TIGIT: variants seen among roughly 807,000 people sequenced by gnomAD.
TIGIT encodes the protein T cell immunoreceptor with Ig and ITIM domains, also known as T-cell immunoreceptor with Ig and ITIM domains.
Under a neutral mutation model 19.6 loss-of-function variants are expected in TIGIT, and 11 were observed. The ratio of observed to expected loss-of-function variants is 0.56; its 90% CI spans 0.35 to 0.93. The LOEUF (loss-of-function observed/expected upper bound fraction) is 0.93, where lower values mean the gene tolerates loss of function less well. TIGIT is among the 40% of genes least tolerant of loss of function. The pLI, the probability that TIGIT is intolerant of heterozygous loss-of-function variation, is 0.01. For missense variants in TIGIT, 295 were observed against 303.9 expected, an observed-to-expected ratio of 0.97 and a Z score of 0.22; for synonymous variants, 130 against 125.5, an observed-to-expected ratio of 1.04 and a Z score of -0.24.
Position 114,308,142 on chromosome 3 carries a change from C to T in TIGIT, c.*11C>T. The T allele has an allele frequency of 1.2e-6, 2 of 1,605,684 alleles. No homozygotes were observed. The highest frequency in any genetic ancestry group is 1.7e-6 in the Non-Finnish European group (2 of 1,172,672). ...ACAGAGACTGGTTAGCAACCAGAGG[C>T]ATCTTCTGGAAGATACACTTTTGTC... On this transcript the variant is annotated 3_prime_UTR_variant, in exon 4 of 4. Coordinates refer to ENST00000383671, the MANE Select transcript of TIGIT (RefSeq NM_173799.4).
At position 114,308,126 on chromosome 3, in the gene TIGIT, G is replaced by T; in HGVS notation, c.730G>T (p.Gly244Cys). The change falls in exon 4 of 4, where the codon GGT becomes TGT. Residue 244 changes from glycine (G) to cysteine (C), a missense_variant. Coordinates refer to ENST00000383671, the MANE Select transcript of TIGIT (RefSeq NM_173799.4). ...TAACTGCAGCTTCTTCACAGAGACT[G>T]GTTAGCAACCAGAGGCATCTTCTGG... ...LGNCSFFTET[G>C] is the part of the protein sequence containing the mutation. The T allele has an allele frequency of 1.2e-6, 2 of 1,613,686 alleles. No individual in the cohort carries two copies. The highest frequency in any genetic ancestry group is 1.7e-6 in the Non-Finnish European group (2 of 1,179,778).
rs1363645948 is a variant in TIGIT, at chr3:114,294,075, T to G, written c.14T>G (p.Leu5Arg). 2.6e-6 allele frequency: 4 copies of G among 1,553,246 alleles called. No homozygotes were observed. The highest frequency in any genetic ancestry group is 3.5e-6 in the Non-Finnish European group (4 of 1,147,756). Reference sequence around the variant, plus strand: ...CTGGGCAGAAGCATGCGCTGGTGTCTCCTCCTGATCTGGGCCCAGGGGCTG... The same window carrying G: ...CTGGGCAGAAGCATGCGCTGGTGTCGCCTCCTGATCTGGGCCCAGGGGCTG... MRWC[L>R]LLIWAQGLRQ... is the part of the protein sequence containing the mutation. Residue 5 changes from leucine (L) to arginine (R), a missense_variant, in exon 1 of 4, where the codon CTC becomes CGC. Physicochemically the swap from Leu to Arg is moderately radical, Grantham distance 102. Coordinates refer to ENST00000383671, the MANE Select transcript of TIGIT (RefSeq NM_173799.4).
chr3:114,297,324 A>G (rs2078460186), intron 2 of TIGIT, among the ~76,000 whole-genome samples: 1 of 152,170 alleles, frequency 6.6e-6, no homozygotes. Context: ...GTGGCAAATA[A>G]TTTCATGAGC....
At chr3:114,297,825 C>T (rs1440746093) in intron 2 of TIGIT, among the ~76,000 whole-genome samples, 1 of 152,166 alleles carries the variant, frequency 6.6e-6, no homozygotes, top group Admixed American at 6.5e-5. Context: ...CTATTGGACC[C>T]CTGTGCAGCC....
chr3:114,308,192 A>T lies in TIGIT; in HGVS notation c.*61A>T. The T allele has an allele frequency of 4.3e-6, 6 of 1,383,130 alleles. No homozygotes were observed. The highest frequency in any genetic ancestry group is 6.1e-6 in the Non-Finnish European group (6 of 979,976). The allele number at this position is 1,383,130 out of a possible 1,614,324, so 85.7% of individuals were successfully genotyped here. On this transcript the variant is annotated 3_prime_UTR_variant, in exon 4 of 4. Coordinates refer to ENST00000383671, the MANE Select transcript of TIGIT (RefSeq NM_173799.4). ...CTTTGCTATTATAGATGAATATATA[A>T]GCAGCTGTACTCTCCATCAGTGCTG...
Position 114,295,886 on chromosome 3 carries a change from G to A in TIGIT, c.391+12G>A. 1 of 1,580,538 alleles carries A rather than the reference G, an allele frequency of 6.3e-7. No individual in the cohort carries two copies. The highest frequency in any genetic ancestry group is 8.6e-7 in the Non-Finnish European group (1 of 1,158,548). ...CCTAGAAAGCTCAGGTATTCCTGCT[G>A]GAGCAAGTTGGTGGATAAACCTCTC... is the stretch of plus-strand genomic sequence containing the variant. On this transcript the variant is annotated intron_variant, in intron 2 of 3. Coordinates refer to ENST00000383671, the MANE Select transcript of TIGIT (RefSeq NM_173799.4).
At chr3:114,294,757 A>C (rs2078442414) in intron 1 of TIGIT, among the ~76,000 whole-genome samples, 1 of 152,182 alleles carries the variant, frequency 6.6e-6, no homozygotes, top group Non-Finnish European at 1.5e-5. Context: ...TGGGAGAAGC[A>C]GGGTTTCCTG....
At chr3:114,295,510 C>G (rs1309705042) in intron 1 of TIGIT, 35 bp from the exon 2 acceptor site, 1 of 1,563,364 alleles carries the variant, frequency 6.4e-7, no homozygotes, top group Non-Finnish European at 8.7e-7. Context: ...CAGCTGCTGA[C>G]CCAGGACTCA....
At chr3:114,296,960 T>G (rs2078457871) in intron 2 of TIGIT, among the ~76,000 whole-genome samples, 1 of 146,836 alleles carries the variant, frequency 6.8e-6, no homozygotes, top group South Asian at 2.2e-4. Flanking sequence ...AATGGCGCAA[T>G]CTCAGCTCAC....
chr3:114,294,174 T>C (rs1454073304), intron 1 of TIGIT, 52 bp downstream of exon 1: 1 of 1,450,938 alleles, frequency 6.9e-7, no homozygotes, highest in East Asian at 2.5e-5. Context: ...AGGCTAAGCT[T>C]GGTTGGAGAC....
rs2078449341 is a variant in TIGIT, at chr3:114,295,741, C to A, written c.258C>A (p.Ala86=). 1.9e-6 allele frequency: 3 copies of A among 1,614,050 alleles called. No homozygotes were observed. Among genetic ancestry groups the A allele is most frequent in the Non-Finnish European group, 2.5e-6 (3 of 1,180,034 alleles). The part of the protein sequence containing the change: ...HISPSFKDRV[A]PGPGLGLTLQ... ...CCCCATCCTTCAAGGATCGAGTGGC[C>A]CCAGGTCCCGGCCTGGGCCTCACCC... Residue 86 remains alanine, a synonymous_variant, in exon 2 of 4, where the codon GCC becomes GCA. Transcript: ENST00000383671.
chr3:114,308,307 G>T lies in TIGIT; in HGVS notation c.*176G>T, dbSNP rs530420704. On this transcript the variant is annotated 3_prime_UTR_variant, in exon 4 of 4. Coordinates refer to ENST00000383671, the MANE Select transcript of TIGIT (RefSeq NM_173799.4). Reference sequence around the variant, plus strand: ...CCATCTTCATTTCCTTGGCCTTTTCGTTCTATTCCATTTTGCATTATGGCA... The same window carrying T: ...CCATCTTCATTTCCTTGGCCTTTTCTTTCTATTCCATTTTGCATTATGGCA... 2.0e-5 allele frequency: 12 copies of T among 611,498 alleles called. No homozygotes were observed. Among genetic ancestry groups the T allele is most frequent in the African/African-American group, 3.7e-5 (2 of 54,306 alleles). 37.9% of individuals were successfully genotyped at this position (611,498 alleles called of 1,614,324 possible).
Position 114,310,199 on chromosome 3 carries a change from A to T in TIGIT, c.*2068A>T, listed in dbSNP as rs2078562753. ...AGATTCTGGAGATTTAATATGAATAATAAGAATACTATTTCAGTAGTTTTG... is the reference window on the plus strand; with the variant it reads ...AGATTCTGGAGATTTAATATGAATATTAAGAATACTATTTCAGTAGTTTTG... On this transcript the variant is annotated 3_prime_UTR_variant, in exon 4 of 4. Transcript: ENST00000383671. 1 of 152,236 alleles carries T rather than the reference A, an allele frequency of 6.6e-6. No homozygotes were observed. Among genetic ancestry groups the T allele is most frequent in the South Asian group, 2.1e-4 (1 of 4,830 alleles). The allele number at this position is 152,236 out of a possible 1,614,324, so 9.4% of individuals were successfully genotyped here. A position where few individuals can be genotyped will look rare whatever the true frequency, so the allele number is the denominator to read the frequency against.
intron 2 of TIGIT, among the ~76,000 whole-genome samples, chr3:114,299,169 T>C (rs2078473519): frequency 1.3e-5 from 2 of 152,246 alleles, no homozygotes; most frequent in South Asian, 4.1e-4. Context: ...ATACTTTTTT[T>C]CATTTTTGTA....
intron 3 of TIGIT, among the ~76,000 whole-genome samples, chr3:114,305,964 A>G (rs2078532431): frequency 6.6e-6 from 1 of 152,092 alleles, no homozygotes; most frequent in South Asian, 2.1e-4. Flanking sequence ...GAGAAGTCTC[A>G]CCACAGGCTG....
intron 3 of TIGIT, among the ~76,000 whole-genome samples, chr3:114,299,913 T>C (rs1021916506): frequency 8.5e-5 from 13 of 152,332 alleles, no homozygotes; most frequent in African/African-American, 3.1e-4. Context: ...CCTGGACAGC[T>C]GGACCTGTTT....
chr3:114,300,550 T>C (rs2078486036), intron 3 of TIGIT, among the ~76,000 whole-genome samples: 1 of 152,188 alleles, frequency 6.6e-6, no homozygotes, highest in Admixed American at 6.5e-5. Context: ...TCTTTCAAGG[T>C]CTTCATTTCC....
At chr3:114,306,792 G>A (rs2078538135) in intron 3 of TIGIT, among the ~76,000 whole-genome samples, 1 of 151,962 alleles carries the variant, frequency 6.6e-6, no homozygotes. Flanking sequence ...TTTTCTTCTT[G>A]GGCAAAATTT....
chr3:114,295,476 A>C, intron 1 of TIGIT, 69 bp from the exon 2 acceptor site: 1 of 1,365,408 alleles, frequency 7.3e-7, no homozygotes. Context: ...AGGCCCTTAG[A>C]ATTTTTCTAG....
Sources: gnomAD v4.1 joint callset for allele counts (sites outside exome capture counted in the v4.1 genomes callset) on GRCh38, gnomAD v4.1.1 for gene constraint, MANE v1.5 for transcripts, NCBI Gene and HGNC (gene_info 2026-07-23, HGNC 2026-07-21) for gene names.